PFKFB3: variants seen among roughly 807,000 people sequenced by gnomAD.
PFKFB3 encodes the protein 6-phosphofructo-2-kinase/fructose-2,6-biphosphatase 3, also known as 6-phosphofructo-2-kinase/fructose-2,6-bisphosphatase 3.
In PFKFB3, 33 loss-of-function variants were observed where a neutral mutation model predicts 68.0. The observed-to-expected ratio is 0.49, with a 90% CI of 0.37 to 0.65. The LOEUF (loss-of-function observed/expected upper bound fraction) is 0.65. PFKFB3 is among the 30% of genes least tolerant of loss of function. The pLI is 0.00. For synonymous variants in PFKFB3, 315 were observed against 288.2 expected (o/e 1.09, Z -0.94); for missense variants, 586 against 712.2 (o/e 0.82, Z 2.02).
At chr10:6,265,649 C>T in the PFKFB3 span, among the ~76,000 whole-genome samples, 296 of 152,188 alleles carry the variant, frequency 1.9e-3, 1 homozygote, top group African/African-American at 6.9e-3. Context: ...ATTTTTCCAC[C>T]GTATATTTAC....
At chr10:6,282,285 T>C in the PFKFB3 span, among the ~76,000 whole-genome samples, 4 of 152,058 alleles carry the variant, frequency 2.6e-5, no homozygotes, top group Non-Finnish European at 5.9e-5. Context: ...CTCCTCCTCT[T>C]TGGGTCAGAT....
chr10:6,187,207 A>G (rs1842891146), intron 1 of PFKFB3, among the ~76,000 whole-genome samples: 1 of 151,712 alleles, frequency 6.6e-6, no homozygotes, highest in Non-Finnish European at 1.5e-5. Flanking sequence ...CTAAAAAAAA[A>G]AAAATTAGCT....
intron 14 of PFKFB3, among the ~76,000 whole-genome samples, chr10:6,243,708 G>A (rs564696028): frequency 6.6e-6 from 1 of 152,190 alleles, no homozygotes; most frequent in Non-Finnish European, 1.5e-5. Context: ...GGAGTGCAAT[G>A]TGTCAGCTAT....
At chr10:6,147,251 C>A (rs777471213) in intron 1 of PFKFB3, among the ~76,000 whole-genome samples, 2 of 152,288 alleles carry the variant, frequency 1.3e-5, no homozygotes, top group South Asian at 2.1e-4. Context: ...TATTTTTTGA[C>A]CTTTGAGCGA....
chr10:6,196,554 G>A (rs1843180521), intron 1 of PFKFB3, among the ~76,000 whole-genome samples: 1 of 152,176 alleles, frequency 6.6e-6, no homozygotes, highest in Admixed American at 6.5e-5. Context: ...CAAAGCTGAA[G>A]AATTTGGAGT....
At chr10:6,145,389 C>T (rs928300524) in intron 1 of PFKFB3, among the ~76,000 whole-genome samples, 1 of 91,532 alleles carries the variant, frequency 1.1e-5, no homozygotes, top group African/African-American at 3.8e-5. Context: ...CGCGTCCCCT[C>T]TGGCGACTCC....
At chr10:6,182,485 T>C (rs1217243890) in intron 1 of PFKFB3, among the ~76,000 whole-genome samples, 1 of 152,144 alleles carries the variant, frequency 6.6e-6, no homozygotes, top group Admixed American at 6.5e-5. Flanking sequence ...CTGGGGAGAA[T>C]GAGGGGCCTT....
rs1296266313 is a variant in PFKFB3, at chr10:6,154,691, G to A, written c.16+9678G>A. Among the ~76,000 whole-genome samples the A allele has an allele frequency of 1.3e-5, 2 of 152,190 alleles. No homozygotes were observed. The highest frequency in any genetic ancestry group is 4.1e-4 in the South Asian group (2 of 4,828). On this transcript the variant is annotated intron_variant, in intron 1 of 14. Transcript: ENST00000379789. The surrounding 1 kb of genome is among the most constrained non-coding windows in gnomAD (Gnocchi z 4.6). ...GGTGGCTGCGATCAGGGTGGTGTTG[G>A]GGGTGGCTGGATTCTGAATATATTT...
At chr10:6,201,058 G>A (rs984121571), upstream of PFKFB3, among the ~76,000 whole-genome samples, 1 of 152,164 alleles carries the variant, frequency 6.6e-6, no homozygotes, top group African/African-American at 2.4e-5. The surrounding 1 kb of genome is among the most constrained non-coding windows in gnomAD (Gnocchi z 4.1). Flanking sequence ...GCAAGCAGCG[G>A]GCGCGCAGGT....
At position 6,228,778 on chromosome 10, in the gene PFKFB3, G is replaced by A. The variant is rs1845533476; in HGVS notation, c.1515+2413G>A. On this transcript the variant is annotated intron_variant, in intron 14 of 14. Transcript: ENST00000379775. This position sits in a 1 kb window ranked among gnomAD's most constrained non-coding sequence, Gnocchi z 4.5. The stretch of plus-strand genomic sequence containing the variant: ...AAAAGAGCTCCGAGTGGAGACCCTT[G>A]GGGATCCGTTTGTCCTGGGTTGGAG... 6.6e-6 allele frequency among the ~76,000 whole-genome samples: 1 copy of A among 152,130 alleles called. No individual in the cohort carries two copies. The highest frequency in any genetic ancestry group is 1.5e-5 in the Non-Finnish European group (1 of 68,022).
chr10:6,287,606 CAGA>C, the PFKFB3 span, among the ~76,000 whole-genome samples: 22 of 152,192 alleles, frequency 1.4e-4, no homozygotes, highest in East Asian at 3.5e-3. Context: ...GTGATGTTTG[CAGA>C]AGGACAAAAT....
intron 1 of PFKFB3, among the ~76,000 whole-genome samples, chr10:6,192,824 A>G (rs1175711620): frequency 6.6e-6 from 1 of 152,110 alleles, no homozygotes; most frequent in African/African-American, 2.4e-5. Flanking sequence ...GCACAGTTAC[A>G]AAAAGTGCTC....
chr10:6,280,832 G>A, the PFKFB3 span, among the ~76,000 whole-genome samples: 1 of 151,694 alleles, frequency 6.6e-6, no homozygotes, highest in Admixed American at 6.6e-5. Flanking sequence ...GTTTTTTGGG[G>A]GAACAGATGG....
intron 1 of PFKFB3, among the ~76,000 whole-genome samples, chr10:6,206,716 C>T (rs1438487518): frequency 1.3e-5 from 2 of 150,252 alleles, no homozygotes; most frequent in African/African-American, 4.9e-5. Flanking sequence ...CTCCTCACTG[C>T]CTAGATGGGA....
downstream of PFKFB3, among the ~76,000 whole-genome samples, chr10:6,258,412 C>G (rs1348784839): frequency 6.6e-6 from 1 of 152,174 alleles, no homozygotes; most frequent in African/African-American, 2.4e-5. Flanking sequence ...GGAGCATGTG[C>G]CTGTGCAGTT....
intron 1 of PFKFB3, among the ~76,000 whole-genome samples, chr10:6,181,017 A>G (rs994082356): frequency 7.9e-5 from 12 of 151,978 alleles, no homozygotes; most frequent in Non-Finnish European, 2.9e-5. Context: ...TTTTATTTTC[A>G]TTTGTAATTA....
At chr10:6,210,049 G>GTGCA (rs1204853552) in intron 1 of PFKFB3, among the ~76,000 whole-genome samples, 1 of 123,542 alleles carries the variant, frequency 8.1e-6, no homozygotes, top group Non-Finnish European at 2.0e-5. Context: ...ACCGTGCCCG[G>GTGCA]CCTAATACTT....
At chr10:6,297,214 G>T in the PFKFB3 span, among the ~76,000 whole-genome samples, 1 of 152,206 alleles carries the variant, frequency 6.6e-6, no homozygotes, top group Non-Finnish European at 1.5e-5. Context: ...GAGCAGCCCA[G>T]GGTCCCCCGG....
intron 1 of PFKFB3, among the ~76,000 whole-genome samples, chr10:6,165,680 C>T (rs901296317): frequency 5.3e-5 from 8 of 152,104 alleles, no homozygotes; most frequent in Non-Finnish European, 8.8e-5. Flanking sequence ...TTTCTCGATG[C>T]GTCTATTTTT....
Sources: gnomAD v4.1 joint callset for allele counts (sites outside exome capture counted in the v4.1 genomes callset) on GRCh38, gnomAD v4.1.1 for gene constraint, Gnocchi (gnomAD v3.1) non-coding constraint, MANE v1.5 for transcripts, NCBI Gene and HGNC (gene_info 2026-07-23, HGNC 2026-07-21) for gene names.